AFG2A: variants seen among roughly 807,000 people sequenced by gnomAD.
AFG2A encodes ATPase family gene 2 protein homolog A.
the AFG2A span, among the ~76,000 whole-genome samples, chr4:122,928,391 G>A: frequency 0.014 from 2,127 of 152,086 alleles, 52 homozygotes; most frequent in African/African-American, 0.049. Flanking sequence ...ATCTTTCATG[G>A]CTTCCTTTGA....
the AFG2A span, among the ~76,000 whole-genome samples, chr4:122,960,391 A>T: frequency 6.9e-4 from 105 of 152,322 alleles, no homozygotes; most frequent in Non-Finnish European, 1.2e-3. Context: ...TGCTTACAAC[A>T]ATGTTTTCCA....
chr4:123,066,162 C>T, the AFG2A span, among the ~76,000 whole-genome samples: 1 of 152,088 alleles, frequency 6.6e-6, no homozygotes, highest in Admixed American at 6.5e-5. Flanking sequence ...AGATCTCAGG[C>T]TTAGCGGCAT....
chr4:123,229,079 T>TA, the AFG2A span, among the ~76,000 whole-genome samples: 732 of 151,858 alleles, frequency 4.8e-3, 6 homozygotes, highest in Non-Finnish European at 6.3e-3. Flanking sequence ...AATGATATAT[T>TA]AAAAAAAACC....
chr4:123,226,854 T>G, the AFG2A span, among the ~76,000 whole-genome samples: 1 of 152,188 alleles, frequency 6.6e-6, no homozygotes, highest in Admixed American at 6.5e-5. Context: ...CTTTTTTTCG[T>G]TGGTAAGCTA....
the AFG2A span, among the ~76,000 whole-genome samples, chr4:123,154,422 T>G: frequency 4.6e-5 from 7 of 152,106 alleles, no homozygotes; most frequent in Admixed American, 3.3e-4. Flanking sequence ...GGTCAACAGT[T>G]TAAAGTAGCA....
the AFG2A span, among the ~76,000 whole-genome samples, chr4:123,048,855 A>G: frequency 2.6e-5 from 4 of 151,994 alleles, no homozygotes; most frequent in African/African-American, 9.7e-5. Flanking sequence ...AATGCCCTTT[A>G]TTTCTTTCTC....
At chr4:123,006,919 A>G in the AFG2A span, among the ~76,000 whole-genome samples, 1 of 141,640 alleles carries the variant, frequency 7.1e-6, no homozygotes, top group South Asian at 2.4e-4. Flanking sequence ...CCATTTGCAA[A>G]GTTATTTTCT....
At chr4:123,252,485 T>C in the AFG2A span, among the ~76,000 whole-genome samples, 2 of 151,890 alleles carry the variant, frequency 1.3e-5, no homozygotes, top group Admixed American at 6.6e-5. Flanking sequence ...CTTACGTGAT[T>C]TTTTCCAAAC....
the AFG2A span, among the ~76,000 whole-genome samples, chr4:123,151,057 G>A: frequency 6.6e-6 from 1 of 152,158 alleles, no homozygotes; most frequent in South Asian, 2.1e-4. Context: ...GGAAAAACTG[G>A]CTAGCTATAT....
chr4:123,083,748 A>G, the AFG2A span, among the ~76,000 whole-genome samples: 19 of 151,872 alleles, frequency 1.3e-4, no homozygotes, highest in African/African-American at 4.3e-4. Context: ...TGTTGCATCT[A>G]TGTTTATGGG....
the AFG2A span, among the ~76,000 whole-genome samples, chr4:123,008,160 G>C: frequency 6.6e-6 from 1 of 152,142 alleles, no homozygotes; most frequent in Admixed American, 6.5e-5. Context: ...TCTTTCTGCT[G>C]AGGCCTATAG....
chr4:123,013,603 G>A, the AFG2A span, among the ~76,000 whole-genome samples: 1 of 152,060 alleles, frequency 6.6e-6, no homozygotes, highest in Non-Finnish European at 1.5e-5. Context: ...TCGGGGTTGG[G>A]GGGCAAGGGA....
the AFG2A span, among the ~76,000 whole-genome samples, chr4:123,272,048 A>AC: frequency 6.6e-6 from 1 of 152,208 alleles, no homozygotes; most frequent in African/African-American, 2.4e-5. Context: ...AGGAAAAGAC[A>AC]CCAATGATCT....
At chr4:123,031,966 G>A in the AFG2A span, among the ~76,000 whole-genome samples, 34 of 152,274 alleles carry the variant, frequency 2.2e-4, no homozygotes, top group African/African-American at 6.7e-4. Context: ...GGACAGTTAC[G>A]TAAAATACTT....
chr4:123,133,384 T>G, the AFG2A span, among the ~76,000 whole-genome samples: 1 of 152,166 alleles, frequency 6.6e-6, no homozygotes, highest in African/African-American at 2.4e-5. Context: ...TAGCTGTCCT[T>G]GTGACTCCTG....
chr4:123,041,123 A>T, the AFG2A span, among the ~76,000 whole-genome samples: 6 of 150,644 alleles, frequency 4.0e-5, no homozygotes, highest in Admixed American at 4.0e-4. Flanking sequence ...TATTATTATT[A>T]TTTTTGAGAC....
At chr4:123,071,337 G>A in the AFG2A span, among the ~76,000 whole-genome samples, 31 of 152,036 alleles carry the variant, frequency 2.0e-4, no homozygotes, top group African/African-American at 4.3e-4. Flanking sequence ...AAAATTAGCC[G>A]GGCGTGGTGG....
the AFG2A span, among the ~76,000 whole-genome samples, chr4:123,212,430 T>A: frequency 2.2e-4 from 34 of 152,162 alleles, no homozygotes; most frequent in Non-Finnish European, 5.0e-4. Context: ...TACAAAGAAC[T>A]AAAGTATTTT....
At chr4:123,054,543 C>T in the AFG2A span, among the ~76,000 whole-genome samples, 1 of 151,816 alleles carries the variant, frequency 6.6e-6, no homozygotes, top group African/African-American at 2.4e-5. Context: ...ACAGTGAAAC[C>T]CTGTCTCTAC....
Sources: gnomAD v4.1 joint callset for allele counts (sites outside exome capture counted in the v4.1 genomes callset) on GRCh38, gnomAD v4.1.1 for gene constraint, MANE v1.5 for transcripts, NCBI Gene and HGNC (gene_info 2026-07-23, HGNC 2026-07-21) for gene names.